Variants in OSBP2 observed in about 807,000 individuals in gnomAD.
OSBP2 encodes the protein oxysterol binding protein 2, also known as oxysterol-binding protein 2.
OSBP2 carries 66 observed loss-of-function variants against 96.0 expected under a neutral mutation model. The observed-to-expected ratio is 0.69, with a 90% CI of 0.56 to 0.84. The LOEUF (loss-of-function observed/expected upper bound fraction) is 0.84, where lower values mean the gene tolerates loss of function less well. Ranked by LOEUF, OSBP2 falls within the 40% of genes least tolerant of loss-of-function variation. The pLI is 0.00. For synonymous variants in OSBP2, 525 were observed against 520.9 expected, an observed-to-expected ratio of 1.01 and a Z score of -0.11; for missense variants, 1,038 against 1,222.7, an observed-to-expected ratio of 0.85 and a Z score of 2.25.
At chr22:30,823,482 G>C (rs2038330911) in intron 2 of OSBP2, among the ~76,000 whole-genome samples, 1 of 152,212 alleles carries the variant, frequency 6.6e-6, no homozygotes, top group African/African-American at 2.4e-5. Context: ...CACAGAGGCG[G>C]TTAATTTCAC....
chr22:30,819,466 C>A (rs904396385), intron 2 of OSBP2, among the ~76,000 whole-genome samples: 1 of 152,202 alleles, frequency 6.6e-6, no homozygotes, highest in Non-Finnish European at 1.5e-5. Context: ...AAGAACCCAT[C>A]GGTCATCTTA....
chr22:30,892,658 C>G (rs920223510), intron 8 of OSBP2, among the ~76,000 whole-genome samples: 1 of 152,108 alleles, frequency 6.6e-6, no homozygotes, highest in Non-Finnish European at 1.5e-5. Flanking sequence ...GCTCTGGAGC[C>G]AGGCTGGCCA....
At chr22:30,893,605 GGCTGGCC>G (rs1569171142) in intron 10 of OSBP2, 26 bp from the exon 11 acceptor site, 1 of 1,613,300 alleles carries the variant, frequency 6.2e-7, no homozygotes, top group South Asian at 1.1e-5. Flanking sequence ...ATGGCCCGGG[GGCTGGCC>G]GCTGACCACT....
chr22:30,726,411 A>G (rs1003689139), intron 1 of OSBP2, among the ~76,000 whole-genome samples: 1 of 152,178 alleles, frequency 6.6e-6, no homozygotes, highest in Non-Finnish European at 1.5e-5. Context: ...ATTCTCACTC[A>G]TAAGTGGGAG....
chr22:30,763,405 G>C (rs1429677448), intron 2 of OSBP2, among the ~76,000 whole-genome samples: 4 of 152,192 alleles, frequency 2.6e-5, no homozygotes. Context: ...CCAACACTTT[G>C]GGAGGCTGAA....
At chr22:30,902,391 C>T in intron 12 of OSBP2, 2 of 1,569,134 alleles carry the variant, frequency 1.3e-6, no homozygotes, top group Non-Finnish European at 8.8e-7. Flanking sequence ...CTTAAGGAAG[C>T]TTGACATACG....
At chr22:30,779,248 ATTTTTTT>A (rs567486168) in intron 2 of OSBP2, among the ~76,000 whole-genome samples, 7 of 119,716 alleles carry the variant, frequency 5.8e-5, no homozygotes, top group South Asian at 3.0e-4. Context: ...CACCCAGCTA[ATTTTTTT>A]TTTTTTTTTT....
intron 1 of OSBP2, among the ~76,000 whole-genome samples, chr22:30,715,078 G>A (rs1014227613): frequency 4.3e-5 from 6 of 140,798 alleles, no homozygotes; most frequent in Admixed American, 2.8e-4. Flanking sequence ...ATTTTATTTT[G>A]TAGAGATGGG....
At chr22:30,796,345 T>C (rs1308810792) in intron 2 of OSBP2, among the ~76,000 whole-genome samples, 1 of 152,196 alleles carries the variant, frequency 6.6e-6, no homozygotes, top group Non-Finnish European at 1.5e-5. Flanking sequence ...TTACTCCTTA[T>C]GAATCTCAAG....
chr22:30,766,218 C>T (rs2090267733), intron 2 of OSBP2, among the ~76,000 whole-genome samples: 1 of 152,118 alleles, frequency 6.6e-6, no homozygotes, highest in Non-Finnish European at 1.5e-5. Context: ...AAGACCCTTT[C>T]TCTAAAAACA....
intron 1 of OSBP2, among the ~76,000 whole-genome samples, chr22:30,704,747 A>G (rs916263602): frequency 1.3e-5 from 2 of 152,052 alleles, no homozygotes; most frequent in African/African-American, 4.8e-5. Context: ...TGTGAGCTGG[A>G]AAGCAGATAT....
At chr22:30,902,444 C>A in intron 12 of OSBP2, 1 of 1,585,382 alleles carries the variant, frequency 6.3e-7, no homozygotes, top group Non-Finnish European at 8.6e-7. Flanking sequence ...GTGGACATTG[C>A]AGAAGGCAGA....
rs568918821 is a variant in OSBP2, at chr22:30,779,550, G to T, written c.853+38181G>T. ...ACATTTGCAAATGCCTCCAGAGGGT[G>T]GTCCTGGGCGGTATGGTCACCTAGC... On this transcript the variant is annotated intron_variant, in intron 2 of 13. Transcript: ENST00000332585. Among the ~76,000 whole-genome samples the T allele has an allele frequency of 2.0e-5, 3 of 152,192 alleles. No homozygotes were observed. In the East Asian group the frequency reaches 5.8e-4, roughly 29 times the overall value.
At chr22:30,821,138 G>C (rs909837024) in intron 2 of OSBP2, among the ~76,000 whole-genome samples, 1 of 152,208 alleles carries the variant, frequency 6.6e-6, no homozygotes, top group Non-Finnish European at 1.5e-5. Context: ...GTAGTCCAGT[G>C]GGAAAGATGA....
chr22:30,870,620 A>C lies in OSBP2; in HGVS notation c.1045A>C (p.Lys349Gln). The change falls in exon 3 of 14, where the codon AAG becomes CAG. Residue 349 changes from lysine (K) to glutamine (Q), a missense_variant. Transcript: ENST00000332585. This position sits in a 1 kb window ranked among gnomAD's most constrained non-coding sequence, Gnocchi z 4.1. ...GLKIPSESGE[K>Q]LKVVNERATL... ...CAAGATCCCATCTGAGAGTGGGGAGAAGCTGAAGGTGGTGAATGAGCGGGC... is the reference window on the plus strand; with the variant it reads ...CAAGATCCCATCTGAGAGTGGGGAGCAGCTGAAGGTGGTGAATGAGCGGGC... The C allele has an allele frequency of 1.2e-6, 2 of 1,613,736 alleles. No homozygotes were observed. The highest frequency in any genetic ancestry group is 1.7e-6 in the Non-Finnish European group (2 of 1,179,964).
chr22:30,902,114 AAAAAAAAAAACG>A (rs1422037953), intron 12 of OSBP2: 1 of 130,704 alleles, frequency 7.7e-6, no homozygotes, highest in Non-Finnish European at 1.2e-5. Flanking sequence ...ATATAAGAAA[AAAAAAAAAAACG>A]AAAAAAAAAA....
chr22:30,709,964 TC>T (rs780855117), intron 1 of OSBP2, among the ~76,000 whole-genome samples: 7 of 151,952 alleles, frequency 4.6e-5, no homozygotes, highest in Non-Finnish European at 1.0e-4. Context: ...CGTACTGTAA[TC>T]TCTGCCTCCC....
intron 2 of OSBP2, among the ~76,000 whole-genome samples, chr22:30,838,390 TAGGAAAATATG>T (rs1253776361): frequency 6.6e-6 from 1 of 152,182 alleles, no homozygotes; most frequent in African/African-American, 2.4e-5. Context: ...TGGAAAAATA[TAGGAAAATATG>T]AGGAAATAAA....
At chr22:30,729,640 A>AAT (rs111442392) in intron 1 of OSBP2, among the ~76,000 whole-genome samples, 3,508 of 151,328 alleles carry the variant, frequency 0.023, 52 homozygotes, top group Middle Eastern at 0.045. Context: ...TCTATCTCAA[A>AAT]ATATATATAT....
Sources: allele counts gnomAD v4.1 joint callset (sites outside exome capture counted in the v4.1 genomes callset), GRCh38; gene constraint gnomAD v4.1.1; non-coding constraint Gnocchi (gnomAD v3.1); transcripts MANE v1.5; gene names NCBI Gene and HGNC (gene_info 2026-07-23, HGNC 2026-07-21).